Variants in AP4E1 observed in about 807,000 individuals in gnomAD.
AP4E1 encodes the protein adaptor related protein complex 4 subunit epsilon 1, also known as AP-4 complex subunit epsilon-1.
A neutral mutation model predicts 128.2 loss-of-function variants in AP4E1; 56 were observed. That is an observed-to-expected ratio of 0.44 (90% CI 0.35 to 0.55). AP4E1 has a LOEUF of 0.55. Ranked by LOEUF, AP4E1 falls within the 20% of genes least tolerant of loss-of-function variation. AP4E1 has a pLI of 0.00. For missense variants in AP4E1, 1,324 were observed against 1,307.7 expected (o/e 1.01, Z -0.19); for synonymous variants, 484 against 473.1 (o/e 1.02, Z -0.30).
At chr15:50,931,959 T>C (rs777779762) in intron 7 of AP4E1, among the ~76,000 whole-genome samples, 3 of 151,890 alleles carry the variant, frequency 2.0e-5, no homozygotes, top group Non-Finnish European at 4.4e-5. Context: ...CAACTATATA[T>C]ATATATACTT....
intron 15 of AP4E1, among the ~76,000 whole-genome samples, chr15:50,974,366 A>G (rs576342422): frequency 6.6e-6 from 1 of 151,334 alleles, no homozygotes; most frequent in Non-Finnish European, 1.5e-5. Context: ...TCCTGGGCTC[A>G]AGTGATCCTA....
At chr15:50,919,084 G>A (rs2063662781) in intron 3 of AP4E1, among the ~76,000 whole-genome samples, 2 of 151,292 alleles carry the variant, frequency 1.3e-5, no homozygotes, top group South Asian at 4.2e-4. Flanking sequence ...CAAAAAATTA[G>A]CCAGGCATGG....
intron 20 of AP4E1, 29 bp downstream of exon 20, chr15:51,001,212 G>T: frequency 6.3e-7 from 1 of 1,593,818 alleles, no homozygotes; most frequent in Non-Finnish European, 8.6e-7. Flanking sequence ...AGGCTATTCT[G>T]TGTTTATAGG....
intron 15 of AP4E1, among the ~76,000 whole-genome samples, chr15:50,975,648 T>C (rs1403397584): frequency 4.6e-5 from 7 of 152,226 alleles, no homozygotes; most frequent in Non-Finnish European, 1.0e-4. Context: ...TCTGTCTCTA[T>C]GTCTGTCTTT....
At chr15:50,995,452 C>T (rs924044599) in intron 17 of AP4E1, among the ~76,000 whole-genome samples, 10 of 149,502 alleles carry the variant, frequency 6.7e-5, no homozygotes, top group African/African-American at 2.5e-4. Context: ...GGCTGGAGCG[C>T]AGTGGCATGA....
chr15:50,986,319 C>T (rs1383266494), intron 16 of AP4E1, among the ~76,000 whole-genome samples: 1 of 152,126 alleles, frequency 6.6e-6, no homozygotes, highest in African/African-American at 2.4e-5. Flanking sequence ...TGCCTGATTG[C>T]CCTGGCCAGA....
At chr15:50,955,245 A>AG (rs1343947747) in intron 13 of AP4E1, among the ~76,000 whole-genome samples, 1 of 152,178 alleles carries the variant, frequency 6.6e-6, no homozygotes, top group African/African-American at 2.4e-5. Flanking sequence ...TAGATCCTTG[A>AG]GGAATAGCCA....
intron 13 of AP4E1, among the ~76,000 whole-genome samples, chr15:50,954,878 T>A (rs756436431): frequency 9.9e-5 from 15 of 152,206 alleles, no homozygotes; most frequent in Non-Finnish European, 1.3e-4. Context: ...CAGTGTGTGA[T>A]ATTCCCCTTC....
At position 50,992,556 on chromosome 15, in the gene AP4E1, A is replaced by G. The variant is rs559581501; in HGVS notation, c.2091-814A>G. Among the ~76,000 whole-genome samples, 212 of 152,318 alleles carry G rather than the reference A, an allele frequency of 1.4e-3. 1 individual carries two copies. Among genetic ancestry groups the G allele is most frequent in the African/African-American group, 5.1e-3 (210 of 41,584 alleles). On this transcript the variant is annotated intron_variant, in intron 16 of 20. Coordinates refer to ENST00000261842, the MANE Select transcript of AP4E1 (RefSeq NM_007347.5). The stretch of plus-strand genomic sequence containing the variant: ...TCACAACTGCAACTTTTGTGACAAC[A>G]TTAGGATTCTAAATTTGGCCCTGGA...
intron 5 of AP4E1, among the ~76,000 whole-genome samples, chr15:50,927,772 A>G (rs1224613206): frequency 6.6e-6 from 1 of 152,054 alleles, no homozygotes; most frequent in Non-Finnish European, 1.5e-5. Context: ...TAAGAATCTT[A>G]TAAAAGGAGT....
rs1055664673 is a variant in AP4E1, at chr15:50,956,226, C to T, written c.1549-2266C>T. On this transcript the variant is annotated intron_variant, in intron 13 of 20. Transcript: ENST00000261842. ...ACTGGGACTTATGTTACCTGTTCTT[C>T]TGGAGCTACCTTCCATTTTTTATAA... Among the ~76,000 whole-genome samples, 4 of 152,170 alleles carry T rather than the reference C, an allele frequency of 2.6e-5. No homozygotes were observed. The South Asian group carries it at 8.3e-4, about 32-fold the overall frequency.
At chr15:50,925,830 G>C (rs2063763153) in intron 5 of AP4E1, among the ~76,000 whole-genome samples, 1 of 149,550 alleles carries the variant, frequency 6.7e-6, no homozygotes, top group Non-Finnish European at 1.5e-5. Flanking sequence ...AACTGGGTTT[G>C]GCCAGGCTGG....
Position 50,915,580 on chromosome 15 carries a change from G to A in AP4E1, c.346+9G>A. The A allele has an allele frequency of 6.2e-7, 1 of 1,613,398 alleles. No homozygotes were observed. The highest frequency in any genetic ancestry group is 8.5e-7 in the Non-Finnish European group (1 of 1,179,640). On this transcript the variant is annotated intron_variant, in intron 3 of 20. Transcript: ENST00000261842. Reference sequence around the variant, plus strand: ...CTTAGAAAAAAGAGTAGGTATGTATGTGTTTTAAGACTTTGATGCTTTCAT... The same window carrying A: ...CTTAGAAAAAAGAGTAGGTATGTATATGTTTTAAGACTTTGATGCTTTCAT...
rs1365953476 is a variant in AP4E1 at position 50,912,146 on chromosome 15, A to G, written c.219A>G (p.Thr73=). 2 of 1,613,098 alleles carry G rather than the reference A, an allele frequency of 1.2e-6. No homozygotes were observed. Among genetic ancestry groups the G allele is most frequent in the African/African-American group, 1.3e-5 (1 of 75,000 alleles). ...LKATVSAPTT[T]LKMMKECMVR... is the part of the protein sequence containing the mutation. ...CGACTGTTTCTGCTCCTACTACAACACTGGTAGGTTTGCATAGTCAGTGCC... is the reference window on the plus strand; with the variant it reads ...CGACTGTTTCTGCTCCTACTACAACGCTGGTAGGTTTGCATAGTCAGTGCC... Residue 73 remains threonine, a synonymous_variant, in exon 2 of 21, where the codon ACA becomes ACG. Transcript: ENST00000261842.
At chr15:50,910,253 G>T (rs1362950222) in intron 1 of AP4E1, among the ~76,000 whole-genome samples, 1 of 152,204 alleles carries the variant, frequency 6.6e-6, no homozygotes, top group Non-Finnish European at 1.5e-5. Flanking sequence ...AAAGTGCTGG[G>T]ATTACAGGCA....
chr15:50,954,825 C>T (rs2064194291), intron 13 of AP4E1, among the ~76,000 whole-genome samples: 1 of 152,132 alleles, frequency 6.6e-6, no homozygotes, highest in East Asian at 1.9e-4. Flanking sequence ...GGTATATCTC[C>T]TAATGCTATC....
At chr15:50,993,154 A>T (rs1381654947) in intron 16 of AP4E1, among the ~76,000 whole-genome samples, 1 of 152,232 alleles carries the variant, frequency 6.6e-6, no homozygotes, top group African/African-American at 2.4e-5. Flanking sequence ...GGAGTTCTGC[A>T]GCCTTAAATC....
chr15:50,979,636 T>C (rs376752874), intron 15 of AP4E1, among the ~76,000 whole-genome samples: 1 of 152,176 alleles, frequency 6.6e-6, no homozygotes, highest in Non-Finnish European at 1.5e-5. Context: ...GCAATTCTCC[T>C]GTCTCAGCCT....
chr15:50,912,680 C>T (rs1007036057), intron 2 of AP4E1, among the ~76,000 whole-genome samples: 20 of 144,652 alleles, frequency 1.4e-4, no homozygotes, highest in Non-Finnish European at 2.4e-4. Flanking sequence ...TTTTTTGAGA[C>T]GGAGTCTCGC....
Sources: gnomAD v4.1 joint callset for allele counts (sites outside exome capture counted in the v4.1 genomes callset) on GRCh38, gnomAD v4.1.1 for gene constraint, MANE v1.5 for transcripts, NCBI Gene and HGNC (gene_info 2026-07-23, HGNC 2026-07-21) for gene names.